The following VRK2 variants were observed in gnomAD, a reference collection of about 807,000 sequenced individuals.
The protein encoded by VRK2 is serine/threonine-protein kinase VRK2.
In VRK2, 60 loss-of-function variants were observed where a neutral mutation model predicts 57.6. The ratio of observed to expected loss-of-function variants is 1.04; its 90% confidence interval spans 0.85 to 1.29. The LOEUF is 1.29. Ranked by LOEUF, VRK2 falls within the 50% of genes most tolerant of loss-of-function variation. VRK2 has a pLI of 0.00. For synonymous variants in VRK2, 231 were observed against 199.2 expected (o/e 1.16, Z -1.35); for missense variants, 705 against 588.1 (o/e 1.20, Z -2.06).
chr2:57,960,450 G>A (rs1030285685), intron 1 of VRK2, among the ~76,000 whole-genome samples: 2 of 152,202 alleles, frequency 1.3e-5, no homozygotes, highest in Non-Finnish European at 2.9e-5. Flanking sequence ...TGGGGCTTGA[G>A]AAATTGTGGC....
chr2:58,023,958 A>G (rs1673842041), intron 1 of VRK2, among the ~76,000 whole-genome samples: 1 of 151,974 alleles, frequency 6.6e-6, no homozygotes, highest in Non-Finnish European at 1.5e-5. Context: ...TTAATGATGA[A>G]CAATAACTAG....
intron 1 of VRK2, among the ~76,000 whole-genome samples, chr2:57,942,460 T>C (rs1671130156): frequency 6.6e-6 from 1 of 152,178 alleles, no homozygotes; most frequent in Non-Finnish European, 1.5e-5. Flanking sequence ...TGTAAGTAGG[T>C]CCCTGTTTAT....
In VRK2 at chr2:58,040,413, C is replaced by T. The variant is rs1230262335; in HGVS notation, c.-6+6860C>T. Among the ~76,000 whole-genome samples the T allele has an allele frequency of 2.0e-5, 3 of 152,162 alleles. No homozygotes were observed. In the South Asian group the frequency reaches 6.2e-4, roughly 32 times the overall value. ...ATATAACATAATATCTTTCACTTGT[C>T]GTGTCCACTAGCTCCCAACTGCATG... On this transcript the variant is annotated intron_variant, in intron 3 of 15. Transcript: ENST00000417641.
intron 2 of VRK2, among the ~76,000 whole-genome samples, chr2:58,027,377 A>C (rs1346896242): frequency 6.6e-6 from 1 of 152,200 alleles, no homozygotes; most frequent in South Asian, 2.1e-4. Context: ...TGGTAAGAAG[A>C]CTTCTATGGA....
chr2:58,060,016 A>G (rs980056250), intron 2 of VRK2, among the ~76,000 whole-genome samples: 1 of 151,860 alleles, frequency 6.6e-6, no homozygotes, highest in Non-Finnish European at 1.5e-5. Flanking sequence ...TCTATCTTAC[A>G]TCTCCAATGT....
intron 2 of VRK2, among the ~76,000 whole-genome samples, chr2:58,082,959 A>G (rs976606848): frequency 6.6e-6 from 1 of 151,798 alleles, no homozygotes; most frequent in Non-Finnish European, 1.5e-5. Context: ...TATATCTAAG[A>G]TGTGAATTAA....
rs986022681 is a variant in VRK2, at chr2:58,122,962, T to G, written c.544-139T>G. 2.3e-5 allele frequency: 25 copies of G among 1,078,516 alleles called. No homozygotes were observed. The African/African-American group carries it at 4.2e-4, about 18-fold the overall frequency. 66.8% of individuals were successfully genotyped at this position (1,078,516 alleles called of 1,614,324 possible). A position where few individuals can be genotyped will look rare whatever the true frequency, so the allele number is the denominator to read the frequency against. On this transcript the variant is annotated intron_variant, in intron 7 of 12. Coordinates refer to ENST00000340157, the MANE Select transcript of VRK2 (RefSeq NM_006296.7). ...GTTATGGCCCCCAGTTGTACATATT[T>G]TATCCTAAGGCACCATTTGGTTTAA...
intron 4 of VRK2, among the ~76,000 whole-genome samples, chr2:58,085,843 AT>A (rs1341648726): frequency 4.0e-5 from 6 of 151,464 alleles, no homozygotes; most frequent in Non-Finnish European, 8.9e-5. Context: ...AGTGGATTTG[AT>A]TTTTTGTAAA....
chr2:58,095,652 GT>G (rs1201953090), intron 7 of VRK2, among the ~76,000 whole-genome samples: 1 of 152,036 alleles, frequency 6.6e-6, no homozygotes. Context: ...GTGGTTCAGA[GT>G]GGTTTTAGTA....
chr2:58,134,391 C>A (rs901140843), intron 9 of VRK2, among the ~76,000 whole-genome samples: 4 of 151,294 alleles, frequency 2.6e-5, no homozygotes, highest in Non-Finnish European at 4.4e-5. Context: ...GCGGGTGGAT[C>A]ATGAGGTCAG....
At chr2:57,971,191 T>C (rs141658193) in intron 1 of VRK2, among the ~76,000 whole-genome samples, 128 of 152,114 alleles carry the variant, frequency 8.4e-4, no homozygotes, top group African/African-American at 2.8e-3. Flanking sequence ...AAAAGGTATG[T>C]GGGACAAAAT....
intron 1 of VRK2, among the ~76,000 whole-genome samples, chr2:57,932,042 C>A (rs996161576): frequency 2.0e-5 from 3 of 152,070 alleles, no homozygotes; most frequent in Non-Finnish European, 4.4e-5. Context: ...AATTTGAAAT[C>A]AAGAAGTGTG....
At chr2:58,121,050 A>C (rs771096564) in intron 7 of VRK2, among the ~76,000 whole-genome samples, 2 of 152,216 alleles carry the variant, frequency 1.3e-5, no homozygotes, top group Non-Finnish European at 2.9e-5. Context: ...AGTGATTGAG[A>C]GTAAAAGCTC....
chr2:58,109,755 G>A (rs1162523749), intron 7 of VRK2, among the ~76,000 whole-genome samples: 1 of 152,156 alleles, frequency 6.6e-6, no homozygotes, highest in African/African-American at 2.4e-5. Context: ...TTCAAGATGA[G>A]ATTTTGGGTG....
chr2:58,138,375 A>T (rs1573350765), intron 10 of VRK2, among the ~76,000 whole-genome samples: 1 of 152,110 alleles, frequency 6.6e-6, no homozygotes, highest in East Asian at 1.9e-4. Context: ...TAGATAACAG[A>T]ATTTGATAAA....
intron 2 of VRK2, among the ~76,000 whole-genome samples, chr2:58,082,961 G>T (rs1020565590): frequency 1.3e-5 from 2 of 151,676 alleles, no homozygotes; most frequent in Admixed American, 6.6e-5. Flanking sequence ...TATCTAAGAT[G>T]TGAATTAATG....
At chr2:58,123,304 A>G in intron 8 of VRK2, 71 bp downstream of exon 8, 1 of 1,538,218 alleles carries the variant, frequency 6.5e-7, no homozygotes, top group East Asian at 2.4e-5. Context: ...ATGAGGCTGC[A>G]TGAAATGACC....
chr2:58,123,313 C>A (rs1677809652), intron 8 of VRK2, 80 bp downstream of exon 8: 1 of 1,510,778 alleles, frequency 6.6e-7, no homozygotes, highest in Non-Finnish European at 8.8e-7. Context: ...CATGAAATGA[C>A]CTTTGCATAG....
At chr2:58,074,076 A>T (rs1367311597) in intron 2 of VRK2, among the ~76,000 whole-genome samples, 4 of 152,074 alleles carry the variant, frequency 2.6e-5, no homozygotes, top group Non-Finnish European at 5.9e-5. Flanking sequence ...TAACCATCAC[A>T]TCTGCTTTGT....
Sources: gnomAD v4.1 joint callset for allele counts (sites outside exome capture counted in the v4.1 genomes callset) on GRCh38, gnomAD v4.1.1 for gene constraint, MANE v1.5 for transcripts, NCBI Gene and HGNC (gene_info 2026-07-23, HGNC 2026-07-21) for gene names.